Variants in CFAP61 observed in about 807,000 individuals in gnomAD.
The protein encoded by CFAP61 is cilia and flagella associated protein 61, also known as cilia- and flagella-associated protein 61.
A neutral mutation model predicts 135.6 loss-of-function variants in CFAP61; 107 were observed. The observed-to-expected ratio is 0.79, with a 90% CI of 0.67 to 0.93. The LOEUF is 0.93. Ranked by LOEUF, CFAP61 falls within the 40% of genes least tolerant of loss-of-function variation. CFAP61 has a pLI of 0.00. For synonymous variants in CFAP61, 575 were observed against 578.5 expected (o/e 0.99, Z 0.09); for missense variants, 1,507 against 1,556.2 (o/e 0.97, Z 0.53).
rs1601357589 is a variant in CFAP61, at chr20:20,199,895, A to G, written c.1925A>G (p.Lys642Arg). ...AACGCTCCATCAAAGGCGGTCTCCA[A>G]GGATCCGGTGGGTAGCAGGGCGGCA... ...GINAPSKAVS[K>R]DPMSYALNHT... Residue 642 changes from lysine (K) to arginine (R), a missense_variant, in exon 17 of 27, where the codon AAG becomes AGG. Transcript: ENST00000245957. The G allele has an allele frequency of 1.2e-6, 2 of 1,613,900 alleles. No homozygotes were observed. The highest frequency in any genetic ancestry group is 1.7e-6 in the Non-Finnish European group (2 of 1,180,010).
intron 25 of CFAP61, chr20:20,322,969 G>T: frequency 5.1e-6 from 5 of 985,376 alleles, no homozygotes; most frequent in Non-Finnish European, 6.0e-6. Flanking sequence ...GACTGTTAAA[G>T]TTATCATAAT....
At chr20:20,319,904 G>A (rs2057350592) in intron 25 of CFAP61, among the ~76,000 whole-genome samples, 1 of 152,132 alleles carries the variant, frequency 6.6e-6, no homozygotes, top group Non-Finnish European at 1.5e-5. Flanking sequence ...CAGACCTCAT[G>A]CAGTCCTTGG....
At chr20:20,226,028 T>C (rs1736275209) in intron 17 of CFAP61, 1 of 152,228 alleles carries the variant, frequency 6.6e-6, no homozygotes, top group Admixed American at 6.5e-5. Flanking sequence ...TTTATTATTT[T>C]CATTTAGAAA....
At chr20:20,341,506 G>A (rs2058443748) in intron 25 of CFAP61, among the ~76,000 whole-genome samples, 1 of 152,184 alleles carries the variant, frequency 6.6e-6, no homozygotes, top group Non-Finnish European at 1.5e-5. Flanking sequence ...CTTGCAATCT[G>A]TTTTTCTCAA....
chr20:20,311,709 G>A (rs996924572), intron 25 of CFAP61, among the ~76,000 whole-genome samples: 2 of 152,166 alleles, frequency 1.3e-5, no homozygotes, highest in African/African-American at 4.8e-5. Context: ...AGAGAAGCTT[G>A]GAGATGTGCA....
chr20:20,081,965 A>T (rs1334114929), intron 6 of CFAP61, among the ~76,000 whole-genome samples: 1 of 152,194 alleles, frequency 6.6e-6, no homozygotes, highest in Admixed American at 6.5e-5. Flanking sequence ...GAAGGTAGAG[A>T]GTGTGGCACA....
At chr20:20,324,218 G>A (rs1037876245) in intron 25 of CFAP61, among the ~76,000 whole-genome samples, 1 of 152,076 alleles carries the variant, frequency 6.6e-6, no homozygotes, top group African/African-American at 2.4e-5. Flanking sequence ...AGATTAAGTA[G>A]GAAAGATAGA....
intron 6 of CFAP61, among the ~76,000 whole-genome samples, chr20:20,082,471 C>G (rs892072848): frequency 2.0e-5 from 3 of 152,210 alleles, no homozygotes; most frequent in Non-Finnish European, 4.4e-5. Flanking sequence ...TACTTCTGGA[C>G]ACACCTCTAA....
chr20:20,161,864 C>T (rs1038608705), intron 10 of CFAP61, among the ~76,000 whole-genome samples: 5 of 151,400 alleles, frequency 3.3e-5, no homozygotes, highest in African/African-American at 7.3e-5. Context: ...CACAGCCCCT[C>T]CTCCAGCCAC....
At chr20:20,181,189 A>ATATATG (rs1026734968) in intron 13 of CFAP61, among the ~76,000 whole-genome samples, 12 of 137,740 alleles carry the variant, frequency 8.7e-5, no homozygotes, top group Non-Finnish European at 1.7e-4. Context: ...ATATATGCAT[A>ATATATG]TATATGTATA....
intron 21 of CFAP61, among the ~76,000 whole-genome samples, chr20:20,275,566 C>T (rs2053691744): frequency 1.3e-5 from 2 of 152,170 alleles, no homozygotes; most frequent in Non-Finnish European, 2.9e-5. Context: ...GCACCACAGG[C>T]CCAGTTTTCC....
At chr20:20,172,365 G>A (rs2054287534) in intron 13 of CFAP61, 3 of 748,980 alleles carry the variant, frequency 4.0e-6, no homozygotes, top group Admixed American at 6.3e-5. Context: ...TGCCCAGGCT[G>A]GAATGCAATG....
chr20:20,175,366 A>G lies in CFAP61; in HGVS notation c.1385+5906A>G, dbSNP rs1434313497. Among the ~76,000 whole-genome samples, 3 of 152,236 alleles carry G rather than the reference A, an allele frequency of 2.0e-5. No homozygotes were observed. In the South Asian group the frequency reaches 6.2e-4, roughly 31 times the overall value. The stretch of plus-strand genomic sequence containing the variant: ...GCAGCATCTGCTGAGACTTTGCTAA[A>G]ATACAGAATCCAAGGCCCTGCCCCA... On this transcript the variant is annotated intron_variant, in intron 13 of 26. Transcript: ENST00000245957.
intron 25 of CFAP61, among the ~76,000 whole-genome samples, chr20:20,305,637 G>C (rs577944089): frequency 6.6e-6 from 1 of 152,194 alleles, no homozygotes; most frequent in Non-Finnish European, 1.5e-5. Flanking sequence ...TGTAGACTCT[G>C]TAAGGGTTCC....
intron 17 of CFAP61, among the ~76,000 whole-genome samples, chr20:20,219,691 T>C (rs2146932825): frequency 6.6e-6 from 1 of 152,314 alleles, no homozygotes; most frequent in South Asian, 2.1e-4. Context: ...TTCACAAAAA[T>C]CTGAGAATAA....
chr20:20,083,135 C>T (rs112375197), intron 6 of CFAP61, among the ~76,000 whole-genome samples: 7,122 of 152,266 alleles, frequency 0.047, 557 homozygotes, highest in African/African-American at 0.16. Context: ...ATGTGATATT[C>T]ATACACCGTG....
chr20:20,337,624 A>G lies in CFAP61; in HGVS notation c.3423-4207A>G, dbSNP rs1474991889. Among the ~76,000 whole-genome samples, 7 of 3,102 alleles carry G rather than the reference A, an allele frequency of 2.3e-3. 1 individual carries two copies. Among genetic ancestry groups the G allele is most frequent in the Non-Finnish European group, 0.016 (3 of 190 alleles). 2.0% of individuals were successfully genotyped at this position (3,102 alleles called of 152,430 possible). A position where few individuals can be genotyped will look rare whatever the true frequency, so the allele number is the denominator to read the frequency against. ...GATGGATAGATGGGTGGGTGGGTGG[A>G]TGGATGGATGGATGGATAGATGGGT... On this transcript the variant is annotated intron_variant, in intron 25 of 26. Coordinates refer to ENST00000245957, the MANE Select transcript of CFAP61 (RefSeq NM_015585.4).
At chr20:20,091,127 C>T (rs2047169985) in intron 7 of CFAP61, 151 bp downstream of exon 7, 2 of 819,522 alleles carry the variant, frequency 2.4e-6, no homozygotes, top group Non-Finnish European at 4.0e-6. Flanking sequence ...GTGCACCAGG[C>T]CAGCTTCCTC....
intron 8 of CFAP61, among the ~76,000 whole-genome samples, chr20:20,135,597 C>T (rs1197177851): frequency 1.3e-5 from 2 of 152,142 alleles, no homozygotes; most frequent in African/African-American, 4.8e-5. Flanking sequence ...CTGATGACAA[C>T]TTAACACTGA....
Sources: allele counts gnomAD v4.1 joint callset (sites outside exome capture counted in the v4.1 genomes callset), GRCh38; gene constraint gnomAD v4.1.1; transcripts MANE v1.5; gene names NCBI Gene and HGNC (gene_info 2026-07-23, HGNC 2026-07-21).